Variants in ADAM10 observed in about 807,000 individuals in gnomAD.
ADAM10 encodes disintegrin and metalloproteinase domain-containing protein 10.
Under a neutral mutation model 90.1 loss-of-function variants are expected in ADAM10, and 17 were observed. The observed-to-expected ratio is 0.19, with a 90% CI of 0.13 to 0.28. The LOEUF is 0.28. Ranked by LOEUF, ADAM10 falls within the 10% of genes least tolerant of loss-of-function variation. ADAM10 has a pLI of 1.00. For missense variants in ADAM10, 610 were observed against 914.3 expected (o/e 0.67, Z 4.29); for synonymous variants, 310 against 298.6 (o/e 1.04, Z -0.40).
At chr15:58,633,416 A>T in intron 8 of ADAM10, 57 bp from the exon 9 acceptor site, 1 of 1,410,748 alleles carries the variant, frequency 7.1e-7, no homozygotes. Flanking sequence ...ACCCCCAAAA[A>T]GGTAATACAT....
intron 5 of ADAM10, among the ~76,000 whole-genome samples, chr15:58,649,198 T>C (rs529763429): frequency 1.3e-5 from 2 of 152,182 alleles, no homozygotes; most frequent in African/African-American, 2.4e-5. Flanking sequence ...CTTCCCCCAT[T>C]AGCTTGTTAG....
At chr15:58,604,754 T>A (rs1463408817) in intron 14 of ADAM10, among the ~76,000 whole-genome samples, 2 of 152,206 alleles carry the variant, frequency 1.3e-5, no homozygotes, top group East Asian at 1.9e-4. Context: ...CACTCTTTTT[T>A]TTCTCTTTTA....
intron 4 of ADAM10, 75 bp downstream of exon 4, chr15:58,679,049 T>C: frequency 7.1e-7 from 1 of 1,410,644 alleles, no homozygotes; most frequent in Non-Finnish European, 9.8e-7. Context: ...CAGCTAATGC[T>C]TCATTTGTCT....
intron 15 of ADAM10, among the ~76,000 whole-genome samples, chr15:58,598,983 G>C (rs1277090410): frequency 6.6e-6 from 1 of 152,156 alleles, no homozygotes; most frequent in Non-Finnish European, 1.5e-5. Context: ...CACCCTGGGG[G>C]AAAATAAGCT....
Position 58,651,187 on chromosome 15 carries a change from T to A in ADAM10, c.586-4983A>T, listed in dbSNP as rs1167916449. ...ATATAATACTTTGATAGGAATGCAA[T>A]GTGTAAATCACATCATGTTAAATGG... On this transcript the variant is annotated intron_variant, in intron 5 of 15. Transcript: ENST00000260408. Among the ~76,000 whole-genome samples the A allele has an allele frequency of 2.6e-5, 4 of 152,314 alleles. No homozygotes were observed. The East Asian group carries it at 7.7e-4, about 29-fold the overall frequency.
At chr15:58,659,343 T>C (rs1297098188) in intron 5 of ADAM10, among the ~76,000 whole-genome samples, 1 of 152,106 alleles carries the variant, frequency 6.6e-6, no homozygotes, top group African/African-American at 2.4e-5. Context: ...CTTTTAAGCA[T>C]GGTATCAGCT....
At chr15:58,601,358 G>A (rs1895103842) in intron 14 of ADAM10, among the ~76,000 whole-genome samples, 1 of 152,066 alleles carries the variant, frequency 6.6e-6, no homozygotes, top group African/African-American at 2.4e-5. Context: ...CTATTAAGGA[G>A]GCTGAGGGGG....
intron 1 of ADAM10, among the ~76,000 whole-genome samples, chr15:58,718,467 TG>T (rs1163970424): frequency 2.6e-5 from 1 of 38,084 alleles, no homozygotes; most frequent in African/African-American, 8.5e-5. Context: ...GTTTTGGTAT[TG>T]GGGTAAAAAA....
intron 1 of ADAM10, among the ~76,000 whole-genome samples, chr15:58,746,913 T>A (rs949892275): frequency 6.6e-6 from 1 of 152,242 alleles, no homozygotes; most frequent in African/African-American, 2.4e-5. Context: ...AGATTCCGAC[T>A]CAGAGTCAGA....
At chr15:58,656,160 A>G (rs1032377128) in intron 5 of ADAM10, among the ~76,000 whole-genome samples, 2 of 152,110 alleles carry the variant, frequency 1.3e-5, no homozygotes, top group South Asian at 2.1e-4. Flanking sequence ...CTGGGATGGA[A>G]TATCTTTTTC....
intron 2 of ADAM10, among the ~76,000 whole-genome samples, chr15:58,712,264 G>C (rs1898499175): frequency 6.6e-6 from 1 of 152,266 alleles, no homozygotes; most frequent in East Asian, 1.9e-4. Context: ...TGATGGTTAA[G>C]ATAGGAATGG....
At chr15:58,711,059 A>G (rs565550074) in intron 2 of ADAM10, among the ~76,000 whole-genome samples, 1 of 152,346 alleles carries the variant, frequency 6.6e-6, no homozygotes, top group African/African-American at 2.4e-5. Flanking sequence ...CCCAAACCAC[A>G]AAGAAAACTT....
intron 2 of ADAM10, among the ~76,000 whole-genome samples, chr15:58,714,356 G>C (rs377556163): frequency 6.7e-6 from 1 of 150,366 alleles, no homozygotes; most frequent in Non-Finnish European, 1.5e-5. Context: ...AGAAATGTAA[G>C]TCACAACTGT....
Position 58,749,015 on chromosome 15 carries a change from G to A in ADAM10, c.55+465C>T, listed in dbSNP as rs881313. ...GGGTCTCGGCGGCGGAGAGGACTTC[G>A]GAATCCGCCACCGGGCAGGGGCTGG... On this transcript the variant is annotated intron_variant, in intron 1 of 15. Transcript: ENST00000260408. 8.7e-3 allele frequency: 3,484 copies of A among 399,256 alleles called. 106 individuals carry two copies. Among genetic ancestry groups the A allele is most frequent in the African/African-American group, 0.064 (3,116 of 48,754 alleles). 24.7% of individuals were successfully genotyped at this position (399,256 alleles called of 1,614,324 possible).
intron 9 of ADAM10, among the ~76,000 whole-genome samples, chr15:58,628,826 G>A (rs1334320036): frequency 1.3e-5 from 2 of 152,164 alleles, no homozygotes; most frequent in African/African-American, 2.4e-5. Flanking sequence ...GCCCAAGGAC[G>A]TTCTGTTTTT....
At chr15:58,679,025 C>A in intron 4 of ADAM10, 99 bp downstream of exon 4, 1 of 1,195,326 alleles carries the variant, frequency 8.4e-7, no homozygotes, top group South Asian at 1.3e-5. Context: ...TGATTAGTAA[C>A]TCAGGAAAGA....
In ADAM10 at chr15:58,717,585, G is replaced by A; in HGVS notation, c.198C>T (p.Ala66=). ...EDQFLRLDFH[A]HGRHFNLRMK... is the part of the protein sequence containing the mutation. ...GCAATAAATTTACTTACCTTCCATG[G>A]GCATGGAAATCTAGACGTAAAAATT... Residue 66 remains alanine, a synonymous_variant, in exon 2 of 16, where the codon GCC becomes GCT. Coordinates refer to ENST00000260408, the MANE Select transcript of ADAM10 (RefSeq NM_001110.4). 1.2e-6 allele frequency: 2 copies of A among 1,613,752 alleles called. No individual in the cohort carries two copies. Among genetic ancestry groups the A allele is most frequent in the Non-Finnish European group, 1.7e-6 (2 of 1,179,876 alleles).
At chr15:58,611,233 A>G (rs1166341622) in intron 12 of ADAM10, 126 bp from the exon 13 acceptor site, 1 of 739,586 alleles carries the variant, frequency 1.4e-6, no homozygotes. Flanking sequence ...AGTGAAAAAC[A>G]AACAGAGATG....
intron 2 of ADAM10, chr15:58,691,448 G>C (rs755116444): frequency 1.5e-6 from 1 of 659,792 alleles, no homozygotes; most frequent in African/African-American, 1.8e-5. Context: ...TGATGTCACA[G>C]ATGGACTTCT....
Sources: allele counts gnomAD v4.1 joint callset (sites outside exome capture counted in the v4.1 genomes callset), GRCh38; gene constraint gnomAD v4.1.1; transcripts MANE v1.5; gene names NCBI Gene and HGNC (gene_info 2026-07-23, HGNC 2026-07-21).